ATRNL1: variants seen among roughly 807,000 people sequenced by gnomAD.
ATRNL1 encodes the protein attractin like 1.
ATRNL1 carries 95 observed loss-of-function variants against 182.7 expected under a neutral mutation model. The observed-to-expected ratio is 0.52, with a 90% CI of 0.44 to 0.62. The LOEUF (loss-of-function observed/expected upper bound fraction) is 0.62, where lower values mean the gene tolerates loss of function less well. ATRNL1 is among the 20% of genes least tolerant of loss of function. The pLI, the probability that ATRNL1 is intolerant of heterozygous loss-of-function variation, is 0.00. For synonymous variants in ATRNL1, 576 were observed against 568.3 expected, an observed-to-expected ratio of 1.01 and a Z score of -0.19; for missense variants, 1,471 against 1,679.5, an observed-to-expected ratio of 0.88 and a Z score of 2.17.
chr10:115,406,784 G>A lies in ATRNL1; in HGVS notation c.3269+12032G>A, dbSNP rs543569883. ...TGTACACGTCTTTTGTTGGTGATATGTTTAGTAAATGTCACTCTGTGGTTG... is the reference window on the plus strand; with the variant it reads ...TGTACACGTCTTTTGTTGGTGATATATTTAGTAAATGTCACTCTGTGGTTG... On this transcript the variant is annotated intron_variant, in intron 20 of 28. Transcript: ENST00000355044. 2.0e-3 allele frequency among the ~76,000 whole-genome samples: 306 copies of A among 152,198 alleles called. 1 individual carries two copies. Among genetic ancestry groups the A allele is most frequent in the African/African-American group, 7.1e-3 (296 of 41,542 alleles).
intron 26 of ATRNL1, among the ~76,000 whole-genome samples, chr10:115,551,403 T>A (rs1852977397): frequency 6.6e-6 from 1 of 151,466 alleles, no homozygotes; most frequent in South Asian, 2.1e-4. Context: ...GTGGAAAGGA[T>A]AAAAGACAAA....
chr10:115,818,220 T>G (rs1205660799), intron 27 of ATRNL1, among the ~76,000 whole-genome samples: 8 of 151,326 alleles, frequency 5.3e-5, no homozygotes, highest in Non-Finnish European at 8.8e-5. Flanking sequence ...AGCCAATGCT[T>G]TACTCACTAG....
chr10:115,311,939 G>T (rs1346799237), intron 17 of ATRNL1, among the ~76,000 whole-genome samples: 4 of 151,010 alleles, frequency 2.6e-5, no homozygotes, highest in African/African-American at 9.7e-5. Context: ...GCTTGCTTTT[G>T]GTTTCCATTG....
At chr10:115,303,123 C>CTTT (rs35839993) in intron 17 of ATRNL1, among the ~76,000 whole-genome samples, 3 of 148,224 alleles carry the variant, frequency 2.0e-5, no homozygotes, top group Non-Finnish European at 4.5e-5. Flanking sequence ...ACTTTATGTC[C>CTTT]TTTTTTTTTT....
intron 20 of ATRNL1, among the ~76,000 whole-genome samples, chr10:115,395,393 A>G (rs887893128): frequency 6.6e-6 from 1 of 151,942 alleles, no homozygotes; most frequent in Non-Finnish European, 1.5e-5. Context: ...CTCTTTAAAA[A>G]TTAAACCTTT....
At chr10:115,769,060 A>G (rs1446567170) in intron 27 of ATRNL1, among the ~76,000 whole-genome samples, 4 of 152,160 alleles carry the variant, frequency 2.6e-5, no homozygotes, top group Non-Finnish European at 5.9e-5. Context: ...ACAATAAAAA[A>G]GGAATTAACC....
intron 25 of ATRNL1, among the ~76,000 whole-genome samples, chr10:115,520,281 C>G (rs574518352): frequency 6.6e-6 from 1 of 152,282 alleles, no homozygotes; most frequent in Non-Finnish European, 1.5e-5. Flanking sequence ...ACAAAGTAAC[C>G]ATCATCTTTT....
intron 28 of ATRNL1, among the ~76,000 whole-genome samples, chr10:115,939,314 T>A (rs1216018144): frequency 6.6e-6 from 1 of 152,170 alleles, no homozygotes; most frequent in Non-Finnish European, 1.5e-5. Flanking sequence ...TGCTCTCTGT[T>A]AGCAAGGACC....
intron 27 of ATRNL1, among the ~76,000 whole-genome samples, chr10:115,770,237 G>T (rs1323265604): frequency 6.6e-6 from 1 of 151,822 alleles, no homozygotes. Context: ...ATATTAAATT[G>T]CTATTTTAAG....
At chr10:115,922,601 G>A (rs1217630804) in intron 28 of ATRNL1, among the ~76,000 whole-genome samples, 1 of 152,140 alleles carries the variant, frequency 6.6e-6, no homozygotes, top group Admixed American at 6.6e-5. Flanking sequence ...AAAGTGTTGG[G>A]ATTACAGGCA....
chr10:115,129,665 A>G, intron 5 of ATRNL1, 130 bp downstream of exon 5: 3 of 662,084 alleles, frequency 4.5e-6, no homozygotes, highest in Non-Finnish European at 4.9e-6. Context: ...TATTTTTAGA[A>G]TGTTCAGATT....
intron 25 of ATRNL1, among the ~76,000 whole-genome samples, chr10:115,527,379 CCA>C (rs1554986835): frequency 6.6e-6 from 1 of 152,116 alleles, no homozygotes; most frequent in African/African-American, 2.4e-5. Flanking sequence ...CCTCGGCCTT[CCA>C]AAGTGCTGAG....
chr10:115,359,146 A>G (rs1856629734), intron 19 of ATRNL1, among the ~76,000 whole-genome samples: 1 of 151,570 alleles, frequency 6.6e-6, no homozygotes, highest in Admixed American at 6.6e-5. Flanking sequence ...CTCCATGATT[A>G]TTACCATCAG....
At chr10:115,899,302 T>A (rs1027989755) in intron 28 of ATRNL1, among the ~76,000 whole-genome samples, 1 of 152,140 alleles carries the variant, frequency 6.6e-6, no homozygotes, top group African/African-American at 2.4e-5. Flanking sequence ...ATGTCCCTAT[T>A]TTTTTGTTGT....
At chr10:115,732,331 T>A (rs1231226215) in intron 27 of ATRNL1, among the ~76,000 whole-genome samples, 2 of 152,170 alleles carry the variant, frequency 1.3e-5, no homozygotes, top group East Asian at 1.9e-4. Flanking sequence ...ATTCTACCAA[T>A]CTATTTATCT....
At chr10:115,160,255 G>T in intron 6 of ATRNL1, 41 bp downstream of exon 6, 2 of 1,519,508 alleles carry the variant, frequency 1.3e-6, no homozygotes, top group East Asian at 4.6e-5. Context: ...TTTTAAGCTG[G>T]ATTTTTATCC....
rs1346461884 is a variant in ATRNL1 at position 115,729,373 on chromosome 10, T to C, written c.3903+2018T>C. 2.0e-5 allele frequency among the ~76,000 whole-genome samples: 3 copies of C among 152,314 alleles called. No homozygotes were observed. The East Asian group carries it at 5.8e-4, about 29-fold the overall frequency. On this transcript the variant is annotated intron_variant, in intron 27 of 28. Coordinates refer to ENST00000355044, the MANE Select transcript of ATRNL1 (RefSeq NM_207303.4). The stretch of plus-strand genomic sequence containing the variant: ...GCAATTTCGCTATATCCTTTTGTTT[T>C]ACAACTATACTTTCTGGAAAAAACT...
intron 26 of ATRNL1, among the ~76,000 whole-genome samples, chr10:115,618,894 GT>G (rs1165341224): frequency 1.3e-5 from 2 of 152,104 alleles, no homozygotes; most frequent in Admixed American, 1.3e-4. Flanking sequence ...GCTCTTTAGG[GT>G]TTTTTGTGTT....
At chr10:115,443,711 G>A (rs1271258375) in intron 21 of ATRNL1, among the ~76,000 whole-genome samples, 2 of 151,784 alleles carry the variant, frequency 1.3e-5, no homozygotes, top group African/African-American at 4.8e-5. Flanking sequence ...TGTTTCTTTG[G>A]ACATCGCAAT....
Sources: allele counts gnomAD v4.1 joint callset (sites outside exome capture counted in the v4.1 genomes callset), GRCh38; gene constraint gnomAD v4.1.1; transcripts MANE v1.5; gene names NCBI Gene and HGNC (gene_info 2026-07-23, HGNC 2026-07-21).